GNAS: variants seen among roughly 807,000 people sequenced by gnomAD.
GNAS encodes the protein protein ALEX.
Under a neutral mutation model 54.5 loss-of-function variants are expected in GNAS, and 8 were observed. The observed-to-expected ratio is 0.15, with a 90% CI of 0.09 to 0.26. The LOEUF (loss-of-function observed/expected upper bound fraction) is 0.26. Among genes scored for constraint, GNAS ranks in the 10% least tolerant of loss-of-function variants. GNAS has a pLI of 1.00. For synonymous variants in GNAS, 204 were observed against 191.4 expected (o/e 1.07, Z -0.54); for missense variants, 170 against 529.8 (o/e 0.32, Z 6.67).
In GNAS at chr20:58,855,052, G is replaced by A. The variant is rs764411331; in HGVS notation, c.43+14166G>A. 6.8e-6 allele frequency: 11 copies of A among 1,612,904 alleles called. No homozygotes were observed. Among genetic ancestry groups the A allele is most frequent in the Admixed American group, 1.7e-5 (1 of 60,016 alleles). ...TGCCTCCGCTGGTTTCAGCATCGGC[G>A]AAATCGCCGCCGCCGAAAGCCCCAG... On this transcript the variant is annotated intron_variant, in intron 1 of 12. Transcript: ENST00000306090.
At chr20:58,905,988 C>T (rs1230942287) in intron 6 of GNAS, among the ~76,000 whole-genome samples, 1 of 152,150 alleles carries the variant, frequency 6.6e-6, no homozygotes, top group Non-Finnish European at 1.5e-5. Context: ...ATCCTAGTGA[C>T]TCTAGGTAGA....
intron 1 of GNAS, among the ~76,000 whole-genome samples, chr20:58,861,862 C>A (rs944528660): frequency 6.6e-6 from 1 of 150,648 alleles, no homozygotes; most frequent in East Asian, 2.0e-4. Flanking sequence ...TGCACTACCA[C>A]GCCCCACTAA....
chr20:58,867,827 C>G (rs903406946), intron 1 of GNAS, among the ~76,000 whole-genome samples: 1 of 152,066 alleles, frequency 6.6e-6, no homozygotes, highest in Non-Finnish European at 1.5e-5. Context: ...GAGGGTATCT[C>G]TGTGTTCAGC....
At chr20:58,861,893 C>T (rs866864695) in intron 1 of GNAS, among the ~76,000 whole-genome samples, 11 of 151,638 alleles carry the variant, frequency 7.3e-5, no homozygotes, top group African/African-American at 1.2e-4. Flanking sequence ...TTTGTAGAGA[C>T]GGGGTTTCAC....
chr20:58,870,685 C>A (rs2087383460), intron 1 of GNAS, among the ~76,000 whole-genome samples: 1 of 152,146 alleles, frequency 6.6e-6, no homozygotes, highest in African/African-American at 2.4e-5. Flanking sequence ...GGGGTTTGGT[C>A]TGTTTATTTG....
chr20:58,855,114 G>A, intron 1 of GNAS: 1 of 1,613,706 alleles, frequency 6.2e-7, no homozygotes, highest in African/African-American at 1.3e-5. Context: ...GCAAGCCTTC[G>A]GGGGCTGCTT....
At chr20:58,907,928 T>C (rs1414441831) in intron 6 of GNAS, among the ~76,000 whole-genome samples, 2 of 152,244 alleles carry the variant, frequency 1.3e-5, no homozygotes, top group Non-Finnish European at 2.9e-5. Context: ...ACTCCAGATG[T>C]CTCTCTCACA....
At position 58,891,663 on chromosome 20, in the gene GNAS, C is replaced by T. The variant is rs2089349801; in HGVS notation, c.-64C>T. 8.2e-6 allele frequency: 8 copies of T among 970,058 alleles called. No homozygotes were observed. Among genetic ancestry groups the T allele is most frequent in the Non-Finnish European group, 9.7e-6 (8 of 823,160 alleles). 60.1% of individuals were successfully genotyped at this position (970,058 alleles called of 1,614,324 possible). A position where few individuals can be genotyped will look rare whatever the true frequency, so the allele number is the denominator to read the frequency against. On this transcript the variant is annotated 5_prime_UTR_variant, in exon 1 of 13. Transcript: ENST00000371085. ...GCGCTGCCCCGGCCCTCCCGGCCCG[C>T]GTGAGGCCGCCCGCGCCCGCCGCCG...
Position 58,909,948 on chromosome 20 carries a change from T to C in GNAS, c.840-3T>C. 6.2e-7 allele frequency: 1 copy of C among 1,614,060 alleles called. No individual in the cohort carries two copies. Among genetic ancestry groups the C allele is most frequent in the Non-Finnish European group, 8.5e-7 (1 of 1,179,892 alleles). ...AGCATTCACACGGCCTCCCTTCTTGTAGATGGCTGCGCACCATCTCTGTGA... is the reference window on the plus strand; with the variant it reads ...AGCATTCACACGGCCTCCCTTCTTGCAGATGGCTGCGCACCATCTCTGTGA... On this transcript the variant is annotated splice_polypyrimidine_tract_variant and splice_region_variant and intron_variant, in intron 10 of 12. Coordinates refer to ENST00000371085, the MANE Select transcript of GNAS (RefSeq NM_000516.7). The surrounding 1 kb of genome is among the most constrained non-coding windows in gnomAD (Gnocchi z 7.3).
intron 1 of GNAS, among the ~76,000 whole-genome samples, chr20:58,893,066 C>CTTTTTTTTTTTTTTTTTTTTTTT (rs869179421): frequency 1.9e-5 from 2 of 103,088 alleles, no homozygotes; most frequent in Non-Finnish European, 3.7e-5. Flanking sequence ...GGCGTGGTTT[C>CTTTTTTTTTTTTTTTTTTTTTTT]TTTTTTTTTT....
At chr20:58,888,230 C>T (rs2088734753), upstream of GNAS, among the ~76,000 whole-genome samples, 1 of 152,130 alleles carries the variant, frequency 6.6e-6, no homozygotes, top group Non-Finnish European at 1.5e-5. Flanking sequence ...GCCTGTGTCC[C>T]ATCCAAGACA....
At chr20:58,854,155 G>C in intron 1 of GNAS, 1 of 1,612,642 alleles carries the variant, frequency 6.2e-7, no homozygotes, top group East Asian at 2.2e-5. Flanking sequence ...AACTTCACGG[G>C]CAGCAGCCCC....
Position 58,856,319 on chromosome 20 carries a change from A to C in GNAS, c.43+15433A>C, listed in dbSNP as rs2086506404. 1 of 152,844 alleles carries C rather than the reference A, an allele frequency of 6.5e-6. No individual in the cohort carries two copies. Among genetic ancestry groups the C allele is most frequent in the Non-Finnish European group, 1.5e-5 (1 of 68,220 alleles). The allele number at this position is 152,844 out of a possible 1,614,324, so 9.5% of individuals were successfully genotyped here. A position where few individuals can be genotyped will look rare whatever the true frequency, so the allele number is the denominator to read the frequency against. On this transcript the variant is annotated intron_variant, in intron 1 of 12. Transcript: ENST00000306090. The surrounding 1 kb of genome is among the most constrained non-coding windows in gnomAD (Gnocchi z 4.2). ...AGGGGAAACACAACCTGCTGTAGGC[A>C]AGTCCGGATCCCAAACCACTTGGGG... is the stretch of plus-strand genomic sequence containing the variant.
chr20:58,853,609 G>A lies in GNAS; in HGVS notation c.43+12723G>A, dbSNP rs1446276885. Reference sequence around the variant, plus strand: ...GAACAGCCCAGCTTGGGAGGCTTCTGGCCTACACTGGAGCAGCCTGGATTC... The same window carrying A: ...GAACAGCCCAGCTTGGGAGGCTTCTAGCCTACACTGGAGCAGCCTGGATTC... On this transcript the variant is annotated intron_variant, in intron 1 of 12. Transcript: ENST00000306090. The surrounding 1 kb of genome is among the most constrained non-coding windows in gnomAD (Gnocchi z 4.4). The A allele has an allele frequency of 2.5e-6, 4 of 1,613,214 alleles. No individual in the cohort carries two copies. In the East Asian group the frequency reaches 8.9e-5, roughly 36 times the overall value.
chr20:58,893,135 CTT>C (rs1271442317), intron 1 of GNAS, among the ~76,000 whole-genome samples: 3 of 132,226 alleles, frequency 2.3e-5, no homozygotes, highest in African/African-American at 9.0e-5. Flanking sequence ...TCTAAGGAGA[CTT>C]TTCCTCCAGG....
In GNAS at chr20:58,853,791, C is replaced by G; in HGVS notation, c.43+12905C>G. ...CCAGCCTGCCCAGAGAGGCTGCAGT[C>G]AACTTCTCTTACAGGTCCCAGACCT... On this transcript the variant is annotated intron_variant, in intron 1 of 12. Coordinates refer to the GNAS transcript ENST00000306090. The surrounding 1 kb of genome is among the most constrained non-coding windows in gnomAD (Gnocchi z 4.4). 1.9e-6 allele frequency: 3 copies of G among 1,611,318 alleles called. No individual in the cohort carries two copies. Among genetic ancestry groups the G allele is most frequent in the Non-Finnish European group, 1.7e-6 (2 of 1,178,920 alleles).
Position 58,853,534 on chromosome 20 carries a change from C to A in GNAS, c.43+12648C>A. The A allele has an allele frequency of 1.9e-6, 3 of 1,613,254 alleles. No homozygotes were observed. Among genetic ancestry groups the A allele is most frequent in the Non-Finnish European group, 2.5e-6 (3 of 1,179,844 alleles). On this transcript the variant is annotated intron_variant, in intron 1 of 12. Transcript: ENST00000306090. The surrounding 1 kb of genome is among the most constrained non-coding windows in gnomAD (Gnocchi z 4.4). ...AACCCGGCATTCAGGGAAGCTGGAG[C>A]CCATGGAAGCTACAGCCCACCTCCT...
upstream of GNAS, chr20:58,840,615 G>A: frequency 6.2e-7 from 1 of 1,608,324 alleles, no homozygotes; most frequent in Non-Finnish European, 8.5e-7. This position sits in a 1 kb window ranked among gnomAD's most constrained non-coding sequence, Gnocchi z 6.0. Flanking sequence ...AAGTTGCGAA[G>A]CCCCGACGCC....
intron 6 of GNAS, among the ~76,000 whole-genome samples, chr20:58,907,396 A>G (rs919085183): frequency 1.3e-5 from 2 of 152,228 alleles, no homozygotes; most frequent in African/African-American, 4.8e-5. Flanking sequence ...TCGAACCAAA[A>G]GCTGGAAGCG....
Sources: gnomAD v4.1 joint callset for allele counts (sites outside exome capture counted in the v4.1 genomes callset) on GRCh38, gnomAD v4.1.1 for gene constraint, Gnocchi (gnomAD v3.1) non-coding constraint, MANE v1.5 for transcripts, NCBI Gene and HGNC (gene_info 2026-07-23, HGNC 2026-07-21) for gene names.